Variants in PHEX observed in about 807,000 individuals in gnomAD.
PHEX encodes the protein phosphate-regulating neutral endopeptidase PHEX.
Under a neutral mutation model 68.0 loss-of-function variants are expected in PHEX, and 16 were observed. The observed-to-expected ratio is 0.24, with a 90% confidence interval of 0.16 to 0.36. The LOEUF (loss-of-function observed/expected upper bound fraction) is 0.36, where lower values mean the gene tolerates loss of function less well. PHEX is among the 10% of genes least tolerant of loss of function. PHEX has a pLI of 1.00. For missense variants in PHEX, 480 were observed against 575.5 expected, an observed-to-expected ratio of 0.83 and a Z score of 1.70; for synonymous variants, 208 against 205.1, an observed-to-expected ratio of 1.01 and a Z score of -0.12.
chrX:22,130,885 G>T (rs1346016241), intron 11 of PHEX, among the ~76,000 whole-genome samples: 2 of 110,954 alleles, frequency 1.8e-5, no homozygotes, highest in Non-Finnish European at 3.8e-5. Context: ...GTTTCCCCTG[G>T]TCTAGTGGGT....
At chrX:22,072,688 A>G (rs755317962) in intron 3 of PHEX, among the ~76,000 whole-genome samples, 24 of 112,421 alleles carry the variant, frequency 2.1e-4, no homozygotes, top group African/African-American at 7.7e-4. Flanking sequence ...TATGTGATAT[A>G]GACTTGAATA....
Position 22,190,481 on chromosome X carries a change from A to T in PHEX, c.1624A>T (p.Ser542Cys). The T allele has an allele frequency of 1.7e-6, 2 of 1,197,211 alleles. No individual in the cohort carries two copies. The highest frequency in any genetic ancestry group is 1.7e-5 in the African/African-American group (1 of 57,636). Residue 542 changes from serine to cysteine, a missense_variant, in exon 15 of 22, where the codon AGT (serine) becomes TGT (cysteine). Coordinates refer to ENST00000379374, the MANE Select transcript of PHEX (RefSeq NM_000444.6). ...TCCGACGACTGTCAATGCCTTCTAC[A>T]GTGCATCCACCAACCAGATCCGTGA... is the stretch of plus-strand genomic sequence containing the variant. ...TNPTTVNAFYSASTNQIRFPA... is the reference protein window; with the variant it reads ...TNPTTVNAFYCASTNQIRFPA...
chrX:22,214,822 G>A (rs570257680), intron 16 of PHEX, among the ~76,000 whole-genome samples: 3 of 111,959 alleles, frequency 2.7e-5, no homozygotes, highest in South Asian at 3.7e-4. Context: ...AAGCACCATC[G>A]TTAGAGTAAA....
At chrX:22,125,460 A>G (rs1931675780) in intron 11 of PHEX, among the ~76,000 whole-genome samples, 1 of 111,634 alleles carries the variant, frequency 9.0e-6, no homozygotes, top group Non-Finnish European at 1.9e-5. Flanking sequence ...CCCATAATCA[A>G]CCTTACTGAT....
chrX:22,050,585 A>AC (rs1318713488), intron 3 of PHEX, among the ~76,000 whole-genome samples: 9 of 109,479 alleles, frequency 8.2e-5, no homozygotes, highest in Middle Eastern at 4.7e-3. Flanking sequence ...AAAAAAAAAA[A>AC]AAAAAAAACA....
chrX:22,243,091 C>T (rs1441196222), intron 20 of PHEX, among the ~76,000 whole-genome samples: 7 of 111,779 alleles, frequency 6.3e-5, no homozygotes, highest in African/African-American at 1.6e-4. Flanking sequence ...ATATGTAGAC[C>T]AGTGGAATAG....
chrX:22,161,036 G>C (rs778643558), intron 12 of PHEX, among the ~76,000 whole-genome samples: 1 of 110,134 alleles, frequency 9.1e-6, no homozygotes, highest in South Asian at 4.0e-4. Context: ...TCGGTGGGAG[G>C]CTGAAGCAGA....
chrX:22,176,398 AAAAAATATATATATATAT>A (rs1364542789), intron 13 of PHEX, among the ~76,000 whole-genome samples: 2 of 68,188 alleles, frequency 2.9e-5, no homozygotes, highest in African/African-American at 1.8e-4. Context: ...AAAAAAAAAA[AAAAAATATATATATATAT>A]ATATATATAT....
intron 12 of PHEX, among the ~76,000 whole-genome samples, chrX:22,165,250 G>A (rs955633355): frequency 1.8e-5 from 2 of 111,548 alleles, no homozygotes; most frequent in African/African-American, 6.5e-5. Flanking sequence ...GTCATCTGGA[G>A]GCAGATCTGG....
intron 18 of PHEX, 91 bp downstream of exon 18, chrX:22,221,834 G>GTGTT (rs1298338085): frequency 2.5e-6 from 2 of 803,341 alleles, no homozygotes; most frequent in African/African-American, 4.1e-5. Flanking sequence ...TTCTCAAAGC[G>GTGTT]TGTTTACAAG....
intron 12 of PHEX, among the ~76,000 whole-genome samples, chrX:22,155,108 C>T (rs1250553477): frequency 1.8e-5 from 2 of 112,407 alleles, no homozygotes; most frequent in Non-Finnish European, 3.8e-5. Flanking sequence ...GACGAGGTTT[C>T]ACCATATTGG....
intron 15 of PHEX, among the ~76,000 whole-genome samples, chrX:22,202,762 T>C (rs7056891): frequency 0.14 from 16,051 of 111,055 alleles, 1,511 homozygotes; most frequent in African/African-American, 0.35. Flanking sequence ...AATCAATAAA[T>C]GAGAGGACCT....
Position 22,114,477 on chromosome X carries a change from C to G in PHEX, c.1193C>G (p.Thr398Ser). 1 of 1,201,773 alleles carries G rather than the reference C, an allele frequency of 8.3e-7. No individual in the cohort carries two copies. Among genetic ancestry groups the G allele is most frequent in the Non-Finnish European group, 1.1e-6 (1 of 886,576 alleles). Residue 398 changes from threonine (T) to serine (S), a missense_variant, in exon 11 of 22, where the codon ACT becomes AGT. By Grantham distance (58) the Thr-to-Ser change is moderately conservative. Coordinates refer to ENST00000379374, the MANE Select transcript of PHEX (RefSeq NM_000444.6). ...CCACAGGTAATCCAGGGGACCACAA[C>G]TTTGCTGCCTCAATGGGACAAATGT... ...EFSRVIQGTT[T>S]LLPQWDKCVN...
At chrX:22,051,413 C>T (rs916405043) in intron 3 of PHEX, among the ~76,000 whole-genome samples, 1 of 110,774 alleles carries the variant, frequency 9.0e-6, no homozygotes, top group South Asian at 3.8e-4. Flanking sequence ...TGCCTGTAAT[C>T]CCAGCTACTT....
intron 15 of PHEX, among the ~76,000 whole-genome samples, chrX:22,195,049 T>C (rs1569424070): frequency 8.9e-6 from 1 of 112,054 alleles, no homozygotes; most frequent in African/African-American, 3.2e-5. Flanking sequence ...CTAGTTTGTA[T>C]GGCCTTAGTC....
chrX:22,096,699 T>C (rs903838388), intron 7 of PHEX, among the ~76,000 whole-genome samples: 6 of 112,021 alleles, frequency 5.4e-5, no homozygotes, highest in African/African-American at 2.0e-4. Flanking sequence ...CCCATCCACA[T>C]TATAGATTGG....
At chrX:22,102,960 C>T (rs1249627117) in intron 9 of PHEX, among the ~76,000 whole-genome samples, 1 of 111,944 alleles carries the variant, frequency 8.9e-6, no homozygotes, top group Non-Finnish European at 1.9e-5. Flanking sequence ...TGTTAACCAC[C>T]ACTATGGTTA....
At chrX:22,123,848 T>C (rs1192426612) in intron 11 of PHEX, among the ~76,000 whole-genome samples, 1 of 108,224 alleles carries the variant, frequency 9.2e-6, no homozygotes, top group Non-Finnish European at 1.9e-5. Flanking sequence ...TTTTTTTTTT[T>C]TGAGACCAAG....
At chrX:22,206,143 C>A (rs1406525712) in intron 15 of PHEX, among the ~76,000 whole-genome samples, 1 of 112,307 alleles carries the variant, frequency 8.9e-6, no homozygotes. Context: ...CCAACAAATT[C>A]TTTCATCTAG....
Sources: gnomAD v4.1 joint callset for allele counts (sites outside exome capture counted in the v4.1 genomes callset) on GRCh38, gnomAD v4.1.1 for gene constraint, MANE v1.5 for transcripts, NCBI Gene and HGNC (gene_info 2026-07-23, HGNC 2026-07-21) for gene names.